The following GRID2 variants were observed in gnomAD, a reference collection of about 807,000 sequenced individuals.
GRID2 encodes glutamate ionotropic receptor delta type subunit 2.
Under a neutral mutation model 114.8 loss-of-function variants are expected in GRID2, and 33 were observed. The ratio of observed to expected loss-of-function variants is 0.29; its 90% confidence interval spans 0.22 to 0.38. The LOEUF (loss-of-function observed/expected upper bound fraction) is 0.38, where lower values mean the gene tolerates loss of function less well. Ranked by LOEUF, GRID2 falls within the 10% of genes least tolerant of loss-of-function variation. The pLI, the probability that GRID2 is intolerant of heterozygous loss-of-function variation, is 1.00. For synonymous variants in GRID2, 505 were observed against 449.9 expected (o/e 1.12, Z -1.55); for missense variants, 1,184 against 1,257.7 (o/e 0.94, Z 0.89).
chr4:93,500,339 C>T (rs959537056), intron 12 of GRID2, among the ~76,000 whole-genome samples: 1 of 152,008 alleles, frequency 6.6e-6, no homozygotes, highest in African/African-American at 2.4e-5. Flanking sequence ...AGTCCATGGA[C>T]AGCACCTACC....
At chr4:92,395,281 G>A (rs187050480) in intron 1 of GRID2, among the ~76,000 whole-genome samples, 80 of 151,570 alleles carry the variant, frequency 5.3e-4, no homozygotes, top group Non-Finnish European at 9.3e-4. Flanking sequence ...TATGATTTAT[G>A]TACCCTTTGA....
intron 2 of GRID2, among the ~76,000 whole-genome samples, chr4:92,866,548 T>C (rs1308258384): frequency 6.6e-6 from 1 of 152,004 alleles, no homozygotes; most frequent in Non-Finnish European, 1.5e-5. Flanking sequence ...GTTATCCTTT[T>C]TTTTTTTTCT....
At chr4:93,373,323 G>A (rs528352669) in intron 8 of GRID2, among the ~76,000 whole-genome samples, 2 of 150,502 alleles carry the variant, frequency 1.3e-5, no homozygotes, top group Non-Finnish European at 3.0e-5. Flanking sequence ...TTTTTTTCCA[G>A]GACAACCTAG....
chr4:92,602,446 CA>C (rs1313878819), intron 2 of GRID2, among the ~76,000 whole-genome samples: 2 of 151,990 alleles, frequency 1.3e-5, no homozygotes, highest in African/African-American at 2.4e-5. Flanking sequence ...GAACTAAAGA[CA>C]AAAACCACAT....
chr4:92,545,085 G>A (rs1726175456), intron 1 of GRID2, among the ~76,000 whole-genome samples: 1 of 151,886 alleles, frequency 6.6e-6, no homozygotes, highest in Admixed American at 6.6e-5. Flanking sequence ...TGACCTGAAT[G>A]CCAGAGCTAA....
chr4:93,213,926 G>C (rs1002263524), intron 5 of GRID2, among the ~76,000 whole-genome samples: 5 of 151,908 alleles, frequency 3.3e-5, no homozygotes, highest in Non-Finnish European at 5.9e-5. Flanking sequence ...CAAGTATCTA[G>C]GTAAATTATT....
At chr4:93,423,558 A>G (rs959754331) in intron 10 of GRID2, among the ~76,000 whole-genome samples, 3 of 151,688 alleles carry the variant, frequency 2.0e-5, no homozygotes, top group Admixed American at 6.6e-5. Flanking sequence ...CATGTTAGCC[A>G]GGATGGACTA....
chr4:93,033,024 T>G (rs1724580666), intron 2 of GRID2, among the ~76,000 whole-genome samples: 1 of 152,210 alleles, frequency 6.6e-6, no homozygotes, highest in African/African-American at 2.4e-5. Flanking sequence ...TGACATAAAG[T>G]AACACAGATT....
At chr4:93,790,913 T>C (rs1227566094) in intron 1 of GRID2, among the ~76,000 whole-genome samples, 2 of 152,206 alleles carry the variant, frequency 1.3e-5, no homozygotes, top group Non-Finnish European at 2.9e-5. Flanking sequence ...TCATCATATC[T>C]GAAAGGATTT....
chr4:92,925,505 A>G lies in GRID2; in HGVS notation c.245-159490A>G, dbSNP rs139405305. 4.4e-3 allele frequency among the ~76,000 whole-genome samples: 672 copies of G among 152,212 alleles called. 8 individuals are homozygous for G. Among genetic ancestry groups the G allele is most frequent in the African/African-American group, 0.016 (647 of 41,572 alleles). ...ATATTTCCTTTATCCACAAACAAAT[A>G]CAAGGCAAAAACTGGGTGTGTAACA... On this transcript the variant is annotated intron_variant, in intron 2 of 15. Transcript: ENST00000282020.
chr4:93,207,339 T>G, intron 4 of GRID2, 65 bp from the exon 5 acceptor site: 1 of 1,046,248 alleles, frequency 9.6e-7, no homozygotes. Flanking sequence ...CAAAGTATAT[T>G]CATTTAGTTG....
chr4:93,400,490 A>G (rs1480682922), intron 9 of GRID2, among the ~76,000 whole-genome samples: 1 of 152,108 alleles, frequency 6.6e-6, no homozygotes, highest in Non-Finnish European at 1.5e-5. Flanking sequence ...GAGTTATGCA[A>G]TGTAGATAGC....
intron 14 of GRID2, among the ~76,000 whole-genome samples, chr4:93,635,017 A>T (rs1050060419): frequency 6.6e-5 from 10 of 152,070 alleles, no homozygotes; most frequent in African/African-American, 2.4e-4. Flanking sequence ...GTGATTATTT[A>T]TTTTAATTAT....
chr4:93,740,189 G>A (rs931122975), intron 14 of GRID2, among the ~76,000 whole-genome samples: 3 of 152,156 alleles, frequency 2.0e-5, no homozygotes, highest in Non-Finnish European at 4.4e-5. Flanking sequence ...CAAGTGTGTA[G>A]CCTAGGAGCA....
chr4:93,710,673 A>G (rs964585754), intron 14 of GRID2, among the ~76,000 whole-genome samples: 2 of 152,094 alleles, frequency 1.3e-5, no homozygotes, highest in Non-Finnish European at 2.9e-5. Flanking sequence ...AGGACAGCAA[A>G]TTCCTTTCTG....
At chr4:93,677,135 C>G (rs527556879) in intron 14 of GRID2, among the ~76,000 whole-genome samples, 2 of 152,248 alleles carry the variant, frequency 1.3e-5, no homozygotes, top group African/African-American at 2.4e-5. Flanking sequence ...TATCCCGCAC[C>G]TGGCTCGGAG....
intron 1 of GRID2, among the ~76,000 whole-genome samples, chr4:92,328,940 G>T (rs538772148): frequency 6.6e-6 from 1 of 152,076 alleles, no homozygotes; most frequent in Admixed American, 6.6e-5. Context: ...GCAGAAAAGA[G>T]AAGATTGGAC....
intron 8 of GRID2, among the ~76,000 whole-genome samples, chr4:93,305,077 G>A (rs908983704): frequency 3.3e-5 from 5 of 152,074 alleles, no homozygotes; most frequent in Admixed American, 3.3e-4. Context: ...ATTTTTAAGA[G>A]TTTTAATGAA....
chr4:92,675,587 G>C (rs1213679393), intron 2 of GRID2, among the ~76,000 whole-genome samples: 1 of 145,932 alleles, frequency 6.9e-6, no homozygotes, highest in Non-Finnish European at 1.5e-5. Context: ...GTCCTGCTCT[G>C]TCACCCAGGC....
Sources: allele counts gnomAD v4.1 joint callset (sites outside exome capture counted in the v4.1 genomes callset), GRCh38; gene constraint gnomAD v4.1.1; transcripts MANE v1.5; gene names NCBI Gene and HGNC (gene_info 2026-07-23, HGNC 2026-07-21).